Variants in TSPAN3 observed in about 807,000 individuals in gnomAD.
TSPAN3 encodes tetraspanin-3.
TSPAN3 carries 9 observed loss-of-function variants against 31.1 expected under a neutral mutation model. The observed-to-expected ratio is 0.29, with a 90% confidence interval of 0.17 to 0.50. The LOEUF (loss-of-function observed/expected upper bound fraction) is 0.50. Ranked by LOEUF, TSPAN3 falls within the 20% of genes least tolerant of loss-of-function variation. The pLI, the probability that TSPAN3 is intolerant of heterozygous loss-of-function variation, is 0.98. For missense variants in TSPAN3, 252 were observed against 313.5 expected (o/e 0.80, Z 1.48); for synonymous variants, 129 against 114.3 (o/e 1.13, Z -0.82).
chr15:77,046,937 G>C lies in TSPAN3; in HGVS notation c.670-10C>G. 6.4e-7 allele frequency: 1 copy of C among 1,566,054 alleles called. No homozygotes were observed. Among genetic ancestry groups the C allele is most frequent in the Non-Finnish European group, 8.7e-7 (1 of 1,152,944 alleles). On this transcript the variant is annotated splice_polypyrimidine_tract_variant and intron_variant, in intron 6 of 6. Coordinates refer to ENST00000267970, the MANE Select transcript of TSPAN3 (RefSeq NM_005724.6). Reference sequence around the variant, plus strand: ...ACAGCATGCCCAGCAGCTGTTGAAAGAAAACAACAATGGGGAAAAAAGGCT... The same window carrying C: ...ACAGCATGCCCAGCAGCTGTTGAAACAAAACAACAATGGGGAAAAAAGGCT...
intron 1 of TSPAN3, among the ~76,000 whole-genome samples, chr15:77,068,644 C>G (rs1346619976): frequency 3.9e-5 from 6 of 152,128 alleles, no homozygotes; most frequent in Non-Finnish European, 8.8e-5. Context: ...CAACGTGTTT[C>G]TCATTTGGGG....
In TSPAN3 at chr15:77,053,403, G is replaced by A. The variant is rs183874613; in HGVS notation, c.433-474C>T. On this transcript the variant is annotated intron_variant, in intron 4 of 6. Transcript: ENST00000267970. The stretch of plus-strand genomic sequence containing the variant: ...GTGGAGGTTGCAGTGAGCCAAGATC[G>A]CGCCACTGCACTCCAGCCTGGGCAA... Among the ~76,000 whole-genome samples the A allele has an allele frequency of 3.9e-4, 50 of 127,298 alleles. No homozygotes were observed. The Middle Eastern group carries it at 0.021, about 53-fold the overall frequency. 83.5% of individuals were successfully genotyped at this position (127,298 alleles called of 152,430 possible).
At chr15:77,060,323 A>G (rs1240267519) in intron 1 of TSPAN3, among the ~76,000 whole-genome samples, 1 of 152,248 alleles carries the variant, frequency 6.6e-6, no homozygotes, top group African/African-American at 2.4e-5. Context: ...AAATCTGTAT[A>G]TGGTGCTTAT....
intron 1 of TSPAN3, among the ~76,000 whole-genome samples, chr15:77,057,960 G>T (rs79069924): frequency 3.9e-5 from 6 of 152,012 alleles, no homozygotes; most frequent in Non-Finnish European, 8.8e-5. Context: ...CATAGCAAAA[G>T]GTACCAGACA....
At position 77,056,393 on chromosome 15, in the gene TSPAN3, T is replaced by G; in HGVS notation, c.64-138A>C. 4.9e-6 allele frequency: 3 copies of G among 616,296 alleles called. No homozygotes were observed. The South Asian group carries it at 9.2e-5, about 19-fold the overall frequency. The allele number at this position is 616,296 out of a possible 1,614,324, so 38.2% of individuals were successfully genotyped here. A position where few individuals can be genotyped will look rare whatever the true frequency, so the allele number is the denominator to read the frequency against. ...TCAGTAAAGCTGAAAATTCTATGAT[T>G]CCTTGTTAAGAGCATTTCTATACTA... is the stretch of plus-strand genomic sequence containing the variant. On this transcript the variant is annotated intron_variant, in intron 1 of 6. Transcript: ENST00000267970.
At chr15:77,065,445 G>A (rs534340706) in intron 1 of TSPAN3, among the ~76,000 whole-genome samples, 2 of 152,056 alleles carry the variant, frequency 1.3e-5, no homozygotes, top group East Asian at 3.9e-4. Context: ...TATTTATTTT[G>A]AGATGGAGTC....
Position 77,070,995 on chromosome 15 carries a change from C to A in TSPAN3, c.-41G>T. 1.5e-6 allele frequency: 2 copies of A among 1,364,182 alleles called. No homozygotes were observed. The highest frequency in any genetic ancestry group is 9.5e-7 in the Non-Finnish European group (1 of 1,048,634). 84.5% of individuals were successfully genotyped at this position (1,364,182 alleles called of 1,614,324 possible). On this transcript the variant is annotated 5_prime_UTR_variant, in exon 1 of 7. Transcript: ENST00000267970. Reference sequence around the variant, plus strand: ...CGAAGGCCCGGCCCGGAGAGCGGGGCTGCGCTCACCGAGAGAGCGGCAATG... The same window carrying A: ...CGAAGGCCCGGCCCGGAGAGCGGGGATGCGCTCACCGAGAGAGCGGCAATG...
chr15:77,057,192 G>A (rs1371680459), intron 1 of TSPAN3, among the ~76,000 whole-genome samples: 3 of 152,154 alleles, frequency 2.0e-5, no homozygotes, highest in African/African-American at 7.2e-5. Context: ...CAATGCCACT[G>A]GCTCATATAC....
intron 1 of TSPAN3, chr15:77,064,543 TG>T (rs2152697667): frequency 6.6e-6 from 1 of 152,296 alleles, no homozygotes; most frequent in East Asian, 1.9e-4. Flanking sequence ...TTCCCTAAAC[TG>T]CAACTAGAGA....
chr15:77,048,559 A>G (rs2076708655), intron 6 of TSPAN3, among the ~76,000 whole-genome samples: 1 of 152,228 alleles, frequency 6.6e-6, no homozygotes, highest in Admixed American at 6.5e-5. Context: ...CTGCTTAAGA[A>G]TATTAAGCTC....
chr15:77,050,593 C>G (rs774683947), intron 6 of TSPAN3, among the ~76,000 whole-genome samples: 3 of 152,124 alleles, frequency 2.0e-5, no homozygotes, highest in Non-Finnish European at 4.4e-5. Flanking sequence ...ATTTCATGAC[C>G]ACAAGTACCA....
In TSPAN3 at chr15:77,054,260, C is replaced by T. The variant is rs375306231; in HGVS notation, c.350G>A (p.Arg117His). Residue 117 changes from arginine (R) to histidine (H), a missense_variant, in exon 4 of 7, where the codon CGC (arginine) becomes CAC (histidine). By Grantham distance (29) the Arg-to-His change is conservative. Transcript: ENST00000267970. ...GGTCTTATACACTTTCTGAATGCTG[C>T]GATCAACCTCATTTTCCACCTGAAT... Reference protein sequence around the residue: ...YRAKVENEVDRSIQKVYKTYN... With the variant: ...YRAKVENEVDHSIQKVYKTYN... 4.2e-5 allele frequency: 68 copies of T among 1,612,622 alleles called. No homozygotes were observed. Among genetic ancestry groups the T allele is most frequent in the Admixed American group, 1.2e-4 (7 of 59,974 alleles).
At chr15:77,052,525 A>G (rs2076739023) in intron 5 of TSPAN3, 57 bp from the exon 6 acceptor site, 6 of 1,516,236 alleles carry the variant, frequency 4.0e-6, no homozygotes, top group Non-Finnish European at 9.2e-7. Flanking sequence ...AAAGCTGCAG[A>G]TTCACAGGCC....
chr15:77,047,561 C>G (rs746819471), intron 6 of TSPAN3, among the ~76,000 whole-genome samples: 1 of 152,148 alleles, frequency 6.6e-6, no homozygotes, highest in Non-Finnish European at 1.5e-5. Flanking sequence ...TTTTTGAAAT[C>G]CACGGTTCTG....
intron 6 of TSPAN3, among the ~76,000 whole-genome samples, chr15:77,050,051 C>A (rs189534985): frequency 6.6e-6 from 1 of 152,184 alleles, no homozygotes; most frequent in Non-Finnish European, 1.5e-5. Context: ...AGGGCCAAGA[C>A]TGGAGACTCT....
intron 6 of TSPAN3, among the ~76,000 whole-genome samples, chr15:77,051,676 C>A (rs1247809759): frequency 6.6e-6 from 1 of 150,970 alleles, no homozygotes. Flanking sequence ...TAATGAGACC[C>A]CATTTCTGGA....
intron 4 of TSPAN3, 131 bp from the exon 5 acceptor site, chr15:77,053,060 G>A (rs2076742186): frequency 1.1e-6 from 1 of 907,792 alleles, no homozygotes; most frequent in Admixed American, 2.7e-5. Context: ...TGGAAAGTCT[G>A]CATGATCCAA....
At chr15:77,047,836 TAA>T (rs1263538984) in intron 6 of TSPAN3, among the ~76,000 whole-genome samples, 1 of 152,228 alleles carries the variant, frequency 6.6e-6, no homozygotes, top group Non-Finnish European at 1.5e-5. Flanking sequence ...TATTTGATTT[TAA>T]AAGACAGGGT....
chr15:77,062,422 G>C (rs547254115), intron 1 of TSPAN3, among the ~76,000 whole-genome samples: 1 of 151,924 alleles, frequency 6.6e-6, no homozygotes, highest in African/African-American at 2.4e-5. Flanking sequence ...AACTCTCAAG[G>C]AAAAAAGGCC....
Sources: gnomAD v4.1 joint callset for allele counts (sites outside exome capture counted in the v4.1 genomes callset) on GRCh38, gnomAD v4.1.1 for gene constraint, MANE v1.5 for transcripts, NCBI Gene and HGNC (gene_info 2026-07-23, HGNC 2026-07-21) for gene names.